The following RASSF5 variants were observed in gnomAD, a reference collection of about 807,000 sequenced individuals.
RASSF5 encodes ras association domain-containing protein 5.
Under a neutral mutation model 40.5 loss-of-function variants are expected in RASSF5, and 25 were observed. The ratio of observed to expected loss-of-function variants is 0.62; its 90% confidence interval spans 0.45 to 0.86. The LOEUF is 0.86. RASSF5 is among the 40% of genes least tolerant of loss of function. The pLI, the probability that RASSF5 is intolerant of heterozygous loss-of-function variation, is 0.00. For synonymous variants in RASSF5, 246 were observed against 252.4 expected (o/e 0.97, Z 0.24); for missense variants, 521 against 572.8 (o/e 0.91, Z 0.92).
chr1:206,538,520 C>A (rs1392141903), intron 2 of RASSF5, among the ~76,000 whole-genome samples: 1 of 152,174 alleles, frequency 6.6e-6, no homozygotes, highest in Non-Finnish European at 1.5e-5. Context: ...AAGTACAGAG[C>A]CTATTGTGGC....
intron 1 of RASSF5, among the ~76,000 whole-genome samples, chr1:206,537,337 G>A (rs1667442828): frequency 6.6e-6 from 1 of 152,170 alleles, no homozygotes; most frequent in Non-Finnish European, 1.5e-5. Flanking sequence ...GTGGTCTGTG[G>A]GCTATTTCAG....
Position 206,513,557 on chromosome 1 carries a change from T to G in RASSF5, c.457+5498T>G, listed in dbSNP as rs1666674461. ...TTTCTGCCTCCCTGCAGGGTCTCGC[T>G]CTGTCTCTGCTGACTCTGGGCACCT... On this transcript the variant is annotated intron_variant, in intron 1 of 5. Transcript: ENST00000579436. This position sits in a 1 kb window ranked among gnomAD's most constrained non-coding sequence, Gnocchi z 5.0. 6.6e-6 allele frequency among the ~76,000 whole-genome samples: 1 copy of G among 152,218 alleles called. No homozygotes were observed. Among genetic ancestry groups the G allele is most frequent in the Admixed American group, 6.5e-5 (1 of 15,282 alleles).
chr1:206,520,807 A>C (rs1553395995), intron 1 of RASSF5, among the ~76,000 whole-genome samples: 1 of 152,130 alleles, frequency 6.6e-6, no homozygotes, highest in East Asian at 1.9e-4. Flanking sequence ...AGTTGAAACC[A>C]TGTTTGGTGC....
chr1:206,554,349 C>T (rs1265870354), intron 2 of RASSF5, among the ~76,000 whole-genome samples: 3 of 152,170 alleles, frequency 2.0e-5, no homozygotes, highest in African/African-American at 7.2e-5. Flanking sequence ...ACATGCAGAA[C>T]TACAGGGTGG....
In RASSF5 at chr1:206,535,718, GTGTGTGT is replaced by G. The variant is rs1667371073; in HGVS notation, c.458-2453_458-2447del. 1.3e-4 allele frequency among the ~76,000 whole-genome samples: 15 copies of G among 114,120 alleles called. No homozygotes were observed. Among genetic ancestry groups the G allele is most frequent in the South Asian group, 1.0e-3 (4 of 3,994 alleles). 74.9% of individuals were successfully genotyped at this position (114,120 alleles called of 152,430 possible). ...GTGTGTGTGTCTGTGTGTGTGTGGT[GTGTGTGT>G]GTGTGTGTGTGTGTGTGTGAGAGAG... On this transcript the variant is annotated intron_variant, in intron 1 of 5. Transcript: ENST00000579436. This position sits in a 1 kb window ranked among gnomAD's most constrained non-coding sequence, Gnocchi z 5.0.
intron 1 of RASSF5, among the ~76,000 whole-genome samples, chr1:206,521,632 C>G (rs1553396122): frequency 6.6e-6 from 1 of 152,220 alleles, no homozygotes; most frequent in African/African-American, 2.4e-5. Flanking sequence ...ATACTCTAGG[C>G]TAACAAGAGG....
At position 206,584,856 on chromosome 1, in the gene RASSF5, CAGAG is replaced by C. The variant is rs1553407289; in HGVS notation, c.988+173_988+176del. The C allele has an allele frequency of 1.3e-5, 9 of 694,132 alleles. No homozygotes were observed. The highest frequency in any genetic ancestry group is 2.8e-5 in the Admixed American group (1 of 35,296). 43.0% of individuals were successfully genotyped at this position (694,132 alleles called of 1,614,324 possible). On this transcript the variant is annotated intron_variant, in intron 4 of 5. Coordinates refer to ENST00000579436, the MANE Select transcript of RASSF5 (RefSeq NM_182663.4). This position sits in a 1 kb window ranked among gnomAD's most constrained non-coding sequence, Gnocchi z 4.9. ...TGGAATCCGGGCAGGGAGGCAAGAG[CAGAG>C]TCCCTGACTCTGCATGTGACTTCAG...
At chr1:206,523,490 A>C (rs1315752952) in intron 1 of RASSF5, among the ~76,000 whole-genome samples, 497 of 18,266 alleles carry the variant, frequency 0.027, no homozygotes, top group African/African-American at 0.038. Flanking sequence ...ATATAATATT[A>C]TATATTATAT....
At chr1:206,573,226 C>T (rs782242498) in intron 2 of RASSF5, among the ~76,000 whole-genome samples, 27 of 152,094 alleles carry the variant, frequency 1.8e-4, no homozygotes, top group Non-Finnish European at 2.8e-4. Flanking sequence ...TTTTGGAGGC[C>T]GAGGTGGGCG....
At chr1:206,519,107 G>A (rs1666837592) in intron 1 of RASSF5, among the ~76,000 whole-genome samples, 1 of 152,116 alleles carries the variant, frequency 6.6e-6, no homozygotes, top group East Asian at 1.9e-4. Context: ...TTCCTCTCCT[G>A]AGCACTAATT....
intron 2 of RASSF5, chr1:206,543,657 G>A (rs1486440371): frequency 6.6e-6 from 1 of 152,194 alleles, no homozygotes; most frequent in Non-Finnish European, 1.5e-5. Context: ...CCTGGAAGGG[G>A]GTGGACGTTG....
intron 1 of RASSF5, chr1:206,528,952 C>T: frequency 1.5e-6 from 1 of 649,744 alleles, no homozygotes; most frequent in Non-Finnish European, 2.7e-6. Flanking sequence ...AAGAAGGTGG[C>T]TCCTGTCGTG....
chr1:206,515,720 T>G (rs1380815170), intron 1 of RASSF5, among the ~76,000 whole-genome samples: 3 of 152,238 alleles, frequency 2.0e-5, no homozygotes, highest in Non-Finnish European at 4.4e-5. Context: ...CTCTCTATAT[T>G]TCTCCAGGTT....
Position 206,560,125 on chromosome 1 carries a change from C to G in RASSF5, c.579+21832C>G, listed in dbSNP as rs1033545855. Among the ~76,000 whole-genome samples, 3 of 152,146 alleles carry G rather than the reference C, an allele frequency of 2.0e-5. No homozygotes were observed. The highest frequency in any genetic ancestry group is 6.5e-5 in the Admixed American group (1 of 15,272). On this transcript the variant is annotated intron_variant, in intron 2 of 5. Coordinates refer to ENST00000579436, the MANE Select transcript of RASSF5 (RefSeq NM_182663.4). The surrounding 1 kb of genome is among the most constrained non-coding windows in gnomAD (Gnocchi z 5.1). ...CTAAGAGAATTTCTTTTTCCTGTCTCCAAGGAAAGGAGTTGATGTGTTTCC... is the reference window on the plus strand; with the variant it reads ...CTAAGAGAATTTCTTTTTCCTGTCTGCAAGGAAAGGAGTTGATGTGTTTCC...
chr1:206,526,461 A>G (rs1667100648), intron 1 of RASSF5, among the ~76,000 whole-genome samples: 1 of 152,206 alleles, frequency 6.6e-6, no homozygotes, highest in African/African-American at 2.4e-5. Context: ...TCCTGGAAAC[A>G]TAAGGATGCA....
chr1:206,583,198 A>G, intron 2 of RASSF5, 71 bp from the exon 3 acceptor site: 1 of 966,522 alleles, frequency 1.0e-6, no homozygotes, highest in Non-Finnish European at 1.7e-6. Context: ...GGCTTTGGGG[A>G]GGGCGTGGTT....
At chr1:206,570,293 C>T (rs1668407881) in intron 2 of RASSF5, among the ~76,000 whole-genome samples, 1 of 151,928 alleles carries the variant, frequency 6.6e-6, no homozygotes, top group African/African-American at 2.4e-5. Flanking sequence ...AGGGTTTCAC[C>T]ATGTTGGTCA....
At position 206,582,807 on chromosome 1, in the gene RASSF5, C is replaced by T. The variant is rs567557807; in HGVS notation, c.580-462C>T. ...AGTATATACTGGCACCATGGGTAGA[C>T]GCCTGTCCCTCCAGCTGTGTTGTTA... is the stretch of plus-strand genomic sequence containing the variant. On this transcript the variant is annotated intron_variant, in intron 2 of 5. Coordinates refer to ENST00000579436, the MANE Select transcript of RASSF5 (RefSeq NM_182663.4). Among the ~76,000 whole-genome samples, 57 of 152,312 alleles carry T rather than the reference C, an allele frequency of 3.7e-4. 1 individual carries two copies. The highest frequency in any genetic ancestry group is 6.3e-4 in the Non-Finnish European group (43 of 68,036).
chr1:206,557,491 G>C (rs1668022505), intron 2 of RASSF5: 7 of 1,590,182 alleles, frequency 4.4e-6, no homozygotes, highest in Admixed American at 1.7e-5. Context: ...GGAGCCCGGG[G>C]AGGGGTGCCC....
Sources: allele counts gnomAD v4.1 joint callset (sites outside exome capture counted in the v4.1 genomes callset), GRCh38; gene constraint gnomAD v4.1.1; non-coding constraint Gnocchi (gnomAD v3.1); transcripts MANE v1.5; gene names NCBI Gene and HGNC (gene_info 2026-07-23, HGNC 2026-07-21).